FAM174B: variants seen among roughly 807,000 people sequenced by gnomAD.
The protein encoded by FAM174B is family with sequence similarity 174 member B, also known as membrane protein FAM174B.
Under a neutral mutation model 10.9 loss-of-function variants are expected in FAM174B, and 12 were observed. That is an observed-to-expected ratio of 1.10 (90% CI 0.71 to 1.79). The LOEUF is 1.79. Ranked by LOEUF, FAM174B falls within the 40% of genes most tolerant of loss-of-function variation. The pLI, the probability that FAM174B is intolerant of heterozygous loss-of-function variation, is 0.00. For synonymous variants in FAM174B, 132 were observed against 115.8 expected, an observed-to-expected ratio of 1.14 and a Z score of -0.90; for missense variants, 266 against 233.3, an observed-to-expected ratio of 1.14 and a Z score of -0.91.
chr15:92,622,759 G>A (rs574130133), intron 2 of FAM174B, among the ~76,000 whole-genome samples: 3 of 152,302 alleles, frequency 2.0e-5, no homozygotes, highest in African/African-American at 7.2e-5. Flanking sequence ...TGGTCCTCTC[G>A]AACTTGTAGG....
chr15:92,645,751 C>A (rs949947780), intron 1 of FAM174B, among the ~76,000 whole-genome samples: 1 of 152,148 alleles, frequency 6.6e-6, no homozygotes, highest in African/African-American at 2.4e-5. Flanking sequence ...GGGGACCTGA[C>A]CACCACCTGG....
intron 1 of FAM174B, among the ~76,000 whole-genome samples, chr15:92,631,434 T>TATATA (rs1484911333): frequency 0.01 from 359 of 35,756 alleles, 64 homozygotes; most frequent in African/African-American, 0.05. Context: ...TATAATATAA[T>TATATA]ATATTATATA....
chr15:92,637,075 C>G (rs913000837), intron 1 of FAM174B, among the ~76,000 whole-genome samples: 2 of 152,218 alleles, frequency 1.3e-5, no homozygotes, highest in Non-Finnish European at 2.9e-5. Flanking sequence ...CCACATGGGC[C>G]TGGCCACACC....
chr15:92,622,239 C>T (rs1374522536), intron 2 of FAM174B, among the ~76,000 whole-genome samples: 1 of 152,238 alleles, frequency 6.6e-6, no homozygotes, highest in Non-Finnish European at 1.5e-5. Flanking sequence ...CATCCGTGTG[C>T]TTAAGAAACG....
At chr15:92,631,661 A>T (rs1201770917) in intron 1 of FAM174B, among the ~76,000 whole-genome samples, 1 of 142,514 alleles carries the variant, frequency 7.0e-6, no homozygotes, top group African/African-American at 2.6e-5. Context: ...CACCCGGCTA[A>T]TTTTTTTTTT....
At position 92,655,351 on chromosome 15, in the gene FAM174B, G is replaced by T. The variant is rs1212959226; in HGVS notation, c.309C>A (p.Thr103=). 8 of 1,584,798 alleles carry T rather than the reference G, an allele frequency of 5.0e-6. No homozygotes were observed. The highest frequency in any genetic ancestry group is 6.0e-6 in the Non-Finnish European group (7 of 1,166,264). The change falls in exon 1 of 3, where the codon ACC becomes ACA. Residue 103 remains threonine, a synonymous_variant. Coordinates refer to ENST00000327355, the MANE Select transcript of FAM174B (RefSeq NM_207446.3). ...AAVIVAFAFT[T]LLIACLLLRV... ...GCAGCAGCAGGCAGGCGATGAGGAG[G>T]GTGGTAAAGGCGAACGCCACGATCA...
chr15:92,629,852 C>A (rs771923297), intron 2 of FAM174B, among the ~76,000 whole-genome samples: 8 of 152,160 alleles, frequency 5.3e-5, no homozygotes, highest in Non-Finnish European at 4.4e-5. Context: ...ATAAGTCTCA[C>A]AAGACCTGAT....
chr15:92,642,046 C>T (rs2050895256), intron 1 of FAM174B, among the ~76,000 whole-genome samples: 1 of 152,134 alleles, frequency 6.6e-6, no homozygotes, highest in Non-Finnish European at 1.5e-5. Context: ...TACAAATGCA[C>T]AATACACGAA....
rs139114612 is a variant in FAM174B, at chr15:92,634,738, C to T, written c.345-4393G>A. On this transcript the variant is annotated intron_variant, in intron 1 of 2. Transcript: ENST00000327355. The stretch of plus-strand genomic sequence containing the variant: ...CCCAGACGTTTGGTCACACTGTCTG[C>T]GAGGATGGCCCTGGATGAGATTAAC... 723 of 152,292 alleles carry T rather than the reference C, an allele frequency of 4.7e-3. 3 individuals are homozygous for T. The highest frequency in any genetic ancestry group is 0.02 in the Middle Eastern group (6 of 296). 9.4% of individuals were successfully genotyped at this position (152,292 alleles called of 1,614,324 possible). A position where few individuals can be genotyped will look rare whatever the true frequency, so the allele number is the denominator to read the frequency against.
chr15:92,630,413 C>T (rs761452612), intron 1 of FAM174B, 68 bp from the exon 2 acceptor site: 4 of 1,477,814 alleles, frequency 2.7e-6, no homozygotes, highest in Middle Eastern at 1.8e-4. Flanking sequence ...CCCCAAGCCC[C>T]AGAGGACCCG....
intron 2 of FAM174B, among the ~76,000 whole-genome samples, chr15:92,626,819 G>A (rs1021593436): frequency 1.1e-4 from 17 of 152,052 alleles, no homozygotes; most frequent in Non-Finnish European, 1.8e-4. Context: ...TTGGGAGGCC[G>A]AGGCGGGTGG....
At position 92,617,782 on chromosome 15, in the gene FAM174B, C is replaced by T; in HGVS notation, c.*1674G>A. On this transcript the variant is annotated 3_prime_UTR_variant, in exon 3 of 3. Transcript: ENST00000327355. ...AGCCACGGCTGTTCTGTTGCCAGTC[C>T]CACCCCTCTGGCAAACAGATGGGGG... is the stretch of plus-strand genomic sequence containing the variant. 1 of 531,042 alleles carries T rather than the reference C, an allele frequency of 1.9e-6. No individual in the cohort carries two copies. Among genetic ancestry groups the T allele is most frequent in the Non-Finnish European group, 3.3e-6 (1 of 301,052 alleles). The allele number at this position is 531,042 out of a possible 1,614,324, so 32.9% of individuals were successfully genotyped here.
At chr15:92,643,543 T>C (rs285768) in intron 1 of FAM174B, among the ~76,000 whole-genome samples, 145,139 of 152,260 alleles carry the variant, frequency 0.95, 69,590 homozygotes, top group East Asian at 1. Context: ...ACCATGTGAA[T>C]ATATGACCTA....
intron 1 of FAM174B, among the ~76,000 whole-genome samples, chr15:92,633,921 A>G (rs1015454165): frequency 5.3e-5 from 8 of 152,120 alleles, no homozygotes; most frequent in Non-Finnish European, 1.0e-4. Flanking sequence ...AGTGGATCCA[A>G]ATGCCACAAG....
At chr15:92,643,466 A>G (rs1216518922) in intron 1 of FAM174B, among the ~76,000 whole-genome samples, 1 of 152,144 alleles carries the variant, frequency 6.6e-6, no homozygotes, top group Admixed American at 6.5e-5. Context: ...CAAAGTGAAG[A>G]AAACTGTGTG....
intron 1 of FAM174B, among the ~76,000 whole-genome samples, chr15:92,630,918 A>G (rs2050793708): frequency 2.7e-5 from 1 of 36,818 alleles, no homozygotes; most frequent in Non-Finnish European, 6.9e-5. Flanking sequence ...TATATTATAT[A>G]TTACGTATTA....
In FAM174B at chr15:92,618,507, CA is replaced by C. The variant is rs2050694622; in HGVS notation, c.*948del. The C allele has an allele frequency of 6.6e-6, 1 of 152,492 alleles. No individual in the cohort carries two copies. The highest frequency in any genetic ancestry group is 1.5e-5 in the Non-Finnish European group (1 of 68,104). 9.4% of individuals were successfully genotyped at this position (152,492 alleles called of 1,614,324 possible). A position where few individuals can be genotyped will look rare whatever the true frequency, so the allele number is the denominator to read the frequency against. ...AGTCCAGCCCCGTCTAGACTGACTT[CA>C]AATATAGTCCCCTGACAGTGTGATT... On this transcript the variant is annotated 3_prime_UTR_variant, in exon 3 of 3. Coordinates refer to ENST00000327355, the MANE Select transcript of FAM174B (RefSeq NM_207446.3).
At chr15:92,619,874 C>T in intron 2 of FAM174B, 1 of 213,396 alleles carries the variant, frequency 4.7e-6, no homozygotes, top group Non-Finnish European at 9.4e-6. Context: ...ACAGCAGCCA[C>T]AGCAAGAAAT....
chr15:92,641,077 C>CAA (rs1172845361), intron 1 of FAM174B, among the ~76,000 whole-genome samples: 1 of 152,040 alleles, frequency 6.6e-6, no homozygotes, highest in African/African-American at 2.4e-5. Context: ...CACACACACA[C>CAA]ACACACAAAC....
Sources: gnomAD v4.1 joint callset for allele counts (sites outside exome capture counted in the v4.1 genomes callset) on GRCh38, gnomAD v4.1.1 for gene constraint, MANE v1.5 for transcripts, NCBI Gene and HGNC (gene_info 2026-07-23, HGNC 2026-07-21) for gene names.